NRXN1: variants seen among roughly 807,000 people sequenced by gnomAD.
NRXN1 encodes the protein neurexin-1.
A neutral mutation model predicts 150.9 loss-of-function variants in NRXN1; 39 were observed. The observed-to-expected ratio is 0.26, with a 90% CI of 0.20 to 0.34. The LOEUF (loss-of-function observed/expected upper bound fraction) is 0.34. NRXN1 is among the 10% of genes least tolerant of loss of function. The probability of loss-of-function intolerance (pLI) is 1.00; values close to 1 mark genes in which losing one functional copy is unlikely to be tolerated. For synonymous variants in NRXN1, 924 were observed against 757.0 expected (o/e 1.22, Z -3.62); for missense variants, 1,815 against 1,949.9 (o/e 0.93, Z 1.30).
intron 17 of NRXN1, among the ~76,000 whole-genome samples, chr2:50,411,816 A>G (rs2104094929): frequency 6.6e-6 from 1 of 152,338 alleles, no homozygotes; most frequent in South Asian, 2.1e-4. Flanking sequence ...CCGGAGGTGT[A>G]CCCAACAGCT....
chr2:50,696,751 T>A (rs1303271920), intron 5 of NRXN1, among the ~76,000 whole-genome samples: 2 of 152,152 alleles, frequency 1.3e-5, no homozygotes, highest in Non-Finnish European at 2.9e-5. Flanking sequence ...GAGATAAACA[T>A]ATTTATTTGA....
chr2:50,804,210 T>G (rs1407473784), intron 5 of NRXN1, among the ~76,000 whole-genome samples: 1 of 152,214 alleles, frequency 6.6e-6, no homozygotes, highest in Admixed American at 6.5e-5. Flanking sequence ...GGATCAATTT[T>G]TAGTATCATT....
rs1159268267 is a variant in NRXN1 at position 49,920,387 on chromosome 2, T to C, written c.*1557A>G. On this transcript the variant is annotated 3_prime_UTR_variant, in exon 23 of 23. Transcript: ENST00000401669. ...TATTATTTTATTAGAAAGAAAGTTT[T>C]CAATTGCAGCAGCCAGAGTTAAGGT... The C allele has an allele frequency of 6.6e-6, 1 of 152,572 alleles. No homozygotes were observed. Among genetic ancestry groups the C allele is most frequent in the East Asian group, 1.9e-4 (1 of 5,192 alleles). The allele number at this position is 152,572 out of a possible 1,614,324, so 9.5% of individuals were successfully genotyped here.
At chr2:50,358,955 C>G (rs1441051020) in intron 17 of NRXN1, among the ~76,000 whole-genome samples, 1 of 152,098 alleles carries the variant, frequency 6.6e-6, no homozygotes, top group Non-Finnish European at 1.5e-5. Context: ...CTGGAGCGGA[C>G]CCCCCAGCAA....
rs201451713 is a variant in NRXN1, at chr2:50,792,858, CAT to C, written c.832+129009_832+129010del. The stretch of plus-strand genomic sequence containing the variant: ...AGTTTTAAATAAGAATAAATTAAAA[CAT>C]AGAAAAGTTAAGTGACTTATCCAAA... On this transcript the variant is annotated intron_variant, in intron 5 of 22. Coordinates refer to ENST00000401669, the MANE Select transcript of NRXN1 (RefSeq NM_001330078.2). Among the ~76,000 whole-genome samples, 674 of 151,764 alleles carry C rather than the reference CAT, an allele frequency of 4.4e-3. 1 individual carries two copies. The highest frequency in any genetic ancestry group is 5.9e-3 in the Non-Finnish European group (400 of 67,836).
chr2:50,506,794 A>G (rs1365485434), intron 12 of NRXN1, 177 bp from the exon 13 acceptor site: 1 of 627,334 alleles, frequency 1.6e-6, no homozygotes, highest in African/African-American at 1.8e-5. Flanking sequence ...GGCGGGCTGG[A>G]CCAATTTTCA....
At chr2:50,244,472 C>CT (rs946155822) in intron 17 of NRXN1, among the ~76,000 whole-genome samples, 2 of 151,786 alleles carry the variant, frequency 1.3e-5, no homozygotes, top group East Asian at 3.9e-4. Context: ...AAGTTATTCT[C>CT]TTTTTTTTCT....
intron 5 of NRXN1, among the ~76,000 whole-genome samples, chr2:50,853,623 G>C (rs975257200): frequency 3.3e-5 from 5 of 152,034 alleles, no homozygotes; most frequent in African/African-American, 1.2e-4. Context: ...CATATGTCAG[G>C]ACTCTGAGCT....
chr2:50,244,321 C>T (rs555827724), intron 17 of NRXN1, among the ~76,000 whole-genome samples: 5 of 151,876 alleles, frequency 3.3e-5, no homozygotes, highest in East Asian at 3.9e-4. Flanking sequence ...CCACCAATAG[C>T]AGCAAAGACT....
At chr2:50,570,369 T>A (rs940089212) in intron 8 of NRXN1, among the ~76,000 whole-genome samples, 2 of 152,206 alleles carry the variant, frequency 1.3e-5, no homozygotes, top group Non-Finnish European at 2.9e-5. Flanking sequence ...CACAGGTTGG[T>A]GCTGTTAATC....
intron 17 of NRXN1, among the ~76,000 whole-genome samples, chr2:50,322,163 T>G (rs977444031): frequency 1.7e-4 from 26 of 152,032 alleles, no homozygotes; most frequent in Admixed American, 1.4e-3. Context: ...AAGGGCTAAC[T>G]AGAAGGTTAA....
chr2:50,839,669 T>C (rs1186569816), intron 5 of NRXN1, among the ~76,000 whole-genome samples: 2 of 152,128 alleles, frequency 1.3e-5, no homozygotes, highest in African/African-American at 4.8e-5. Flanking sequence ...ATTTATCAGA[T>C]ACTATGAGCT....
At chr2:50,775,279 C>G (rs1175817213) in intron 5 of NRXN1, among the ~76,000 whole-genome samples, 1 of 152,062 alleles carries the variant, frequency 6.6e-6, no homozygotes, top group African/African-American at 2.4e-5. Flanking sequence ...CTCTCGGTAT[C>G]CTGTGGGGCC....
chr2:50,608,754 C>T (rs576073567), intron 8 of NRXN1, among the ~76,000 whole-genome samples: 29 of 152,166 alleles, frequency 1.9e-4, no homozygotes, highest in African/African-American at 2.6e-4. Context: ...ACATTTCAGA[C>T]GCTCATATGA....
chr2:50,506,465 AGGAAAAGACAAT>A lies in NRXN1; in HGVS notation c.2497+18_2497+29del. 1 of 1,593,714 alleles carries A rather than the reference AGGAAAAGACAAT, an allele frequency of 6.3e-7. No individual in the cohort carries two copies. The highest frequency in any genetic ancestry group is 1.3e-5 in the African/African-American group (1 of 74,624). On this transcript the variant is annotated intron_variant, in intron 13 of 22. Transcript: ENST00000401669. ...AAATGAGAGTCAAAAGCGTTAGCAT[AGGAAAAGACAAT>A]GGGACAGAGGTGTTTACCTGTCATG...
chr2:50,248,697 T>C (rs1025119277), intron 17 of NRXN1, among the ~76,000 whole-genome samples: 2 of 152,180 alleles, frequency 1.3e-5, no homozygotes, highest in African/African-American at 4.8e-5. Flanking sequence ...TGTTTTCCAG[T>C]CTTAAAACCA....
Position 50,094,220 on chromosome 2 carries a change from T to C in NRXN1, c.3547-2726A>G, listed in dbSNP as rs1699932693. On this transcript the variant is annotated intron_variant, in intron 18 of 22. Coordinates refer to ENST00000401669, the MANE Select transcript of NRXN1 (RefSeq NM_001330078.2). ...CAAAAACACATTACTGTTTCCATCT[T>C]ACAAAATGAAGCATAAAGTTACTTA... Among the ~76,000 whole-genome samples the C allele has an allele frequency of 2.6e-5, 4 of 152,210 alleles. No homozygotes were observed. In the South Asian group the frequency reaches 6.2e-4, roughly 24 times the overall value.
In NRXN1 at chr2:50,047,322, C is replaced by CAT. The variant is rs770544453; in HGVS notation, c.4128+5947_4128+5948dup. 1.9e-4 allele frequency among the ~76,000 whole-genome samples: 29 copies of CAT among 151,318 alleles called. No individual in the cohort carries two copies. In the East Asian group the frequency reaches 2.0e-3, roughly 10 times the overall value. ...TTTGAGTTTCCATCTCTTCCTCAGA[C>CAT]ATATATATATATGTCTGAGGAACAC... is the stretch of plus-strand genomic sequence containing the variant. On this transcript the variant is annotated intron_variant, in intron 21 of 22. Coordinates refer to ENST00000401669, the MANE Select transcript of NRXN1 (RefSeq NM_001330078.2).
At chr2:51,018,547 T>G (rs774574188) in intron 2 of NRXN1, among the ~76,000 whole-genome samples, 1 of 152,116 alleles carries the variant, frequency 6.6e-6, no homozygotes, top group African/African-American at 2.4e-5. Flanking sequence ...AAGCTATGTG[T>G]TGGGAAGCCA....
Sources: gnomAD v4.1 joint callset for allele counts (sites outside exome capture counted in the v4.1 genomes callset) on GRCh38, gnomAD v4.1.1 for gene constraint, MANE v1.5 for transcripts, NCBI Gene and HGNC (gene_info 2026-07-23, HGNC 2026-07-21) for gene names.